ZC3H13: variants seen among roughly 807,000 people sequenced by gnomAD.
The protein encoded by ZC3H13 is zinc finger CCCH-type containing 13.
ZC3H13 carries 64 observed loss-of-function variants against 204.1 expected under a neutral mutation model. That is an observed-to-expected ratio of 0.31 (90% confidence interval 0.26 to 0.39). The LOEUF (loss-of-function observed/expected upper bound fraction) is 0.39. Ranked by LOEUF, ZC3H13 falls within the 10% of genes least tolerant of loss-of-function variation. The pLI, the probability that ZC3H13 is intolerant of heterozygous loss-of-function variation, is 1.00. For synonymous variants in ZC3H13, 667 were observed against 693.7 expected (o/e 0.96, Z 0.60); for missense variants, 1,833 against 2,082.7 (o/e 0.88, Z 2.33).
In ZC3H13 at chr13:45,985,522, G is replaced by A. The variant is rs770901743; in HGVS notation, c.1495C>T (p.Arg499Trp). ...TAGTCATGGGCATCACGAGTGGACCGAGAATCTCTGGGATCACGGCTCTCT... is the reference window on the plus strand; with the variant it reads ...TAGTCATGGGCATCACGAGTGGACCAAGAATCTCTGGGATCACGGCTCTCT... ...TKESRDPRDS[R>W]STRDAHDYRD... The change falls in exon 10 of 19, where the codon CGG becomes TGG. Residue 499 changes from arginine (R) to tryptophan (W), a missense_variant. This residue lies in a region of ZC3H13 where 1,574 missense variants were observed against 1,757.2 expected (regional missense o/e 0.90). Transcript: ENST00000679008. 16 of 1,614,036 alleles carry A rather than the reference G, an allele frequency of 9.9e-6. No homozygotes were observed. The highest frequency in any genetic ancestry group is 1.3e-5 in the African/African-American group (1 of 74,898).
intron 4 of ZC3H13, among the ~76,000 whole-genome samples, chr13:46,028,954 A>T (rs1307419025): frequency 6.6e-6 from 1 of 152,172 alleles, no homozygotes; most frequent in East Asian, 1.9e-4. Flanking sequence ...AATTAGAATG[A>T]AAAAAGTCAA....
At chr13:46,004,456 C>G (rs2040984914) in intron 7 of ZC3H13, among the ~76,000 whole-genome samples, 1 of 152,160 alleles carries the variant, frequency 6.6e-6, no homozygotes, top group Non-Finnish European at 1.5e-5. Context: ...AGGAGAATCA[C>G]TTGAACCCGG....
chr13:45,986,080 T>A (rs996047856), intron 9 of ZC3H13, among the ~76,000 whole-genome samples: 1 of 152,228 alleles, frequency 6.6e-6, no homozygotes, highest in Non-Finnish European at 1.5e-5. Flanking sequence ...AAACCACTTT[T>A]AGATACAAAG....
chr13:45,972,263 C>T (rs1952649110), intron 12 of ZC3H13, among the ~76,000 whole-genome samples: 1 of 151,752 alleles, frequency 6.6e-6, no homozygotes, highest in African/African-American at 2.4e-5. Context: ...GCCCATTGGC[C>T]AATGGGTGGA....
intron 7 of ZC3H13, among the ~76,000 whole-genome samples, chr13:46,006,071 T>C (rs1239457867): frequency 7.8e-6 from 1 of 128,214 alleles, no homozygotes; most frequent in Non-Finnish European, 1.6e-5. Flanking sequence ...GGTGACAGAG[T>C]GGGACTCTGT....
intron 2 of ZC3H13, 56 bp downstream of exon 2, chr13:46,045,335 C>T: frequency 7.1e-7 from 1 of 1,399,716 alleles, no homozygotes; most frequent in South Asian, 1.2e-5. Flanking sequence ...TACAAATAAG[C>T]ATTTCAATAA....
In ZC3H13 at chr13:46,010,400, T is replaced by C. The variant is rs200633604; in HGVS notation, c.694A>G (p.Lys232Glu). Residue 232 changes from lysine to glutamate, a missense_variant, in exon 7 of 19, where the codon AAG becomes GAG. Lys to Glu is a moderately conservative substitution (Grantham distance 56, BLOSUM62 1). This residue lies in a region of ZC3H13 where 1,574 missense variants were observed against 1,757.2 expected (regional missense o/e 0.90). Transcript: ENST00000679008. ...KSSPKSSSAS[K>E]KDRKTSAVSS... Reference sequence around the variant, plus strand: ...ACTGCAGATGTCTTCCTATCTTTCTTGCTAGCTGAAGACGACTTCGGGCTT... The same window carrying C: ...ACTGCAGATGTCTTCCTATCTTTCTCGCTAGCTGAAGACGACTTCGGGCTT... The C allele has an allele frequency of 6.4e-5, 104 of 1,613,878 alleles. No individual in the cohort carries two copies. The Admixed American group carries it at 1.1e-3, about 17-fold the overall frequency.
chr13:46,007,182 A>T lies in ZC3H13; in HGVS notation c.746+3166T>A, dbSNP rs140603354. Among the ~76,000 whole-genome samples the T allele has an allele frequency of 2.0e-5, 3 of 152,272 alleles. No individual in the cohort carries two copies. The East Asian group carries it at 5.8e-4, about 30-fold the overall frequency. ...TTTACCAAACTTTTCTTCTGAGCAC[A>T]GTGGTAAACCATACTATCTACACTT... On this transcript the variant is annotated intron_variant, in intron 7 of 18. Coordinates refer to ENST00000679008, the MANE Select transcript of ZC3H13 (RefSeq NM_001330564.2).
intron 7 of ZC3H13, among the ~76,000 whole-genome samples, chr13:46,009,636 G>C (rs2041403905): frequency 6.6e-6 from 1 of 151,926 alleles, no homozygotes; most frequent in African/African-American, 2.4e-5. Flanking sequence ...TTAGGGTATG[G>C]ACTTTAATTA....
intron 4 of ZC3H13, among the ~76,000 whole-genome samples, chr13:46,041,519 A>G (rs779303927): frequency 7.9e-5 from 12 of 152,258 alleles, no homozygotes; most frequent in Middle Eastern, 3.4e-3. Flanking sequence ...TAATAATACT[A>G]AAAACCACTG....
chr13:46,038,111 A>G (rs1031130254), intron 4 of ZC3H13, among the ~76,000 whole-genome samples: 4 of 152,188 alleles, frequency 2.6e-5, no homozygotes, highest in Non-Finnish European at 4.4e-5. Flanking sequence ...CTCTATTGCT[A>G]AACTGTGAGT....
At chr13:45,966,475 A>T (rs892899755) in intron 15 of ZC3H13, among the ~76,000 whole-genome samples, 2 of 152,134 alleles carry the variant, frequency 1.3e-5, no homozygotes, top group Non-Finnish European at 2.9e-5. Context: ...GATCCAACTC[A>T]TTTTCCTACT....
In ZC3H13 at chr13:45,962,330, A is replaced by G. The variant is rs777183144; in HGVS notation, c.4675+1512T>C. On this transcript the variant is annotated intron_variant, in intron 17 of 18. Coordinates refer to ENST00000679008, the MANE Select transcript of ZC3H13 (RefSeq NM_001330564.2). ...TTTCACTGTTTAGGTTAAGTCATCA[A>G]TAAGTAAGGGCCGAACTGTATTTCA... is the stretch of plus-strand genomic sequence containing the variant. 6.7e-5 allele frequency: 66 copies of G among 985,434 alleles called. No individual in the cohort carries two copies. The Middle Eastern group carries it at 1.6e-3, about 23-fold the overall frequency. The allele number at this position is 985,434 out of a possible 1,614,324, so 61.0% of individuals were successfully genotyped here. A position where few individuals can be genotyped will look rare whatever the true frequency, so the allele number is the denominator to read the frequency against.
intron 8 of ZC3H13, among the ~76,000 whole-genome samples, chr13:45,994,015 A>G (rs1414115815): frequency 2.6e-5 from 4 of 152,248 alleles, no homozygotes; most frequent in Admixed American, 6.5e-5. Context: ...CAGGGTCCAC[A>G]CTTACGTGTG....
At position 45,965,319 on chromosome 13, in the gene ZC3H13, C is replaced by T; in HGVS notation, c.4435G>A (p.Glu1479Lys). The T allele has an allele frequency of 6.2e-7, 1 of 1,613,678 alleles. No homozygotes were observed. The highest frequency in any genetic ancestry group is 8.5e-7 in the Non-Finnish European group (1 of 1,179,736). ...TCATCCTGTTGGTCCTCCCTCTTTTCTGCATCACCTGCCAGAATTTCATCT... is the reference window on the plus strand; with the variant it reads ...TCATCCTGTTGGTCCTCCCTCTTTTTTGCATCACCTGCCAGAATTTCATCT... ...ELDEILAGDA[E>K]KREDQQDEEK... The change falls in exon 16 of 19, where the codon GAA (glutamate) becomes AAA (lysine). Residue 1479 changes from glutamate (E) to lysine (K), a missense_variant. This residue lies in a region of ZC3H13 where 211 missense variants were observed against 228.4 expected (regional missense o/e 0.92). Coordinates refer to ENST00000679008, the MANE Select transcript of ZC3H13 (RefSeq NM_001330564.2).
At position 45,969,527 on chromosome 13, in the gene ZC3H13, T is replaced by C. The variant is rs779057206; in HGVS notation, c.3017A>G (p.Lys1006Arg). 3 of 1,603,032 alleles carry C rather than the reference T, an allele frequency of 1.9e-6. No individual in the cohort carries two copies. In the African/African-American group the frequency reaches 4.1e-5, roughly 22 times the overall value. ...AGAATCACCTTTGGATTTTTTACGTTTTTTTTCAATGCTTTTCTTTTTCTG... is the reference window on the plus strand; with the variant it reads ...AGAATCACCTTTGGATTTTTTACGTCTTTTTTCAATGCTTTTCTTTTTCTG... ...KGQKKKSIEK[K>R]RKKSKGDSDI... is the part of the protein sequence containing the mutation. The change falls in exon 14 of 19, where the codon AAA becomes AGA. Residue 1006 changes from lysine to arginine, a missense_variant. Lys to Arg is a conservative substitution (Grantham distance 26). Coordinates refer to ENST00000679008, the MANE Select transcript of ZC3H13 (RefSeq NM_001330564.2).
chr13:46,007,558 A>G (rs2041241893), intron 7 of ZC3H13, among the ~76,000 whole-genome samples: 1 of 152,184 alleles, frequency 6.6e-6, no homozygotes, highest in African/African-American at 2.4e-5. Flanking sequence ...GGCTATAATC[A>G]CAATCTGGAC....
intron 11 of ZC3H13, among the ~76,000 whole-genome samples, chr13:45,977,332 T>G (rs910171814): frequency 3.3e-5 from 5 of 152,166 alleles, no homozygotes; most frequent in Non-Finnish European, 5.9e-5. Flanking sequence ...CATTAACTTA[T>G]AGCAAATCAT....
chr13:46,016,674 T>TAAATGA, intron 5 of ZC3H13, among the ~76,000 whole-genome samples: 1 of 152,170 alleles, frequency 6.6e-6, no homozygotes, highest in Non-Finnish European at 1.5e-5. Flanking sequence ...ATGTGTTCAG[T>TAAATGA]CTGTGAACAT....
Sources: gnomAD v4.1 joint callset for allele counts (sites outside exome capture counted in the v4.1 genomes callset) on GRCh38, gnomAD v4.1.1 for gene constraint, gnomAD v4.1.1 regional missense constraint, MANE v1.5 for transcripts, NCBI Gene and HGNC (gene_info 2026-07-23, HGNC 2026-07-21) for gene names.